LIN7A: variants seen among roughly 807,000 people sequenced by gnomAD.
The protein encoded by LIN7A is protein lin-7 homolog A.
In LIN7A, 25 loss-of-function variants were observed where a neutral mutation model predicts 29.8. That is an observed-to-expected ratio of 0.84 (90% CI 0.61 to 1.17). The LOEUF (loss-of-function observed/expected upper bound fraction) is 1.17, where lower values mean the gene tolerates loss of function less well. LIN7A is among the 50% of genes most tolerant of loss of function. LIN7A has a pLI of 0.00. For synonymous variants in LIN7A, 118 were observed against 107.5 expected (o/e 1.10, Z -0.60); for missense variants, 239 against 287.0 (o/e 0.83, Z 1.21).
chr12:80,868,814 A>G (rs1294533372), intron 2 of LIN7A, among the ~76,000 whole-genome samples: 1 of 152,194 alleles, frequency 6.6e-6, no homozygotes, highest in East Asian at 1.9e-4. Flanking sequence ...AAAGACCAGT[A>G]CTTGCCTCTG....
rs537049943 is a variant in LIN7A at position 80,933,497 on chromosome 12, C to T, written c.82+4144G>A. 5.3e-5 allele frequency among the ~76,000 whole-genome samples: 8 copies of T among 152,276 alleles called. No homozygotes were observed. The South Asian group carries it at 1.2e-3, about 24-fold the overall frequency. ...TGAGCCTTCCTCGACCAATGCTAAC[C>T]AAACAGGCCCTTCTCTGTTATTCTC... On this transcript the variant is annotated intron_variant, in intron 1 of 5. Coordinates refer to ENST00000552864, the MANE Select transcript of LIN7A (RefSeq NM_004664.4).
At chr12:80,885,282 T>C (rs542917658) in intron 2 of LIN7A, among the ~76,000 whole-genome samples, 2 of 152,250 alleles carry the variant, frequency 1.3e-5, no homozygotes, top group East Asian at 3.9e-4. Context: ...TCTAGCTAAT[T>C]AATACAGCAT....
intron 1 of LIN7A, among the ~76,000 whole-genome samples, chr12:80,898,442 G>C (rs1876025136): frequency 6.6e-6 from 1 of 151,514 alleles, no homozygotes; most frequent in African/African-American, 2.4e-5. Context: ...TTTTTGTTTT[G>C]TTTAGCATTG....
chr12:80,830,726 C>T (rs1457716557), intron 4 of LIN7A, among the ~76,000 whole-genome samples: 1 of 152,198 alleles, frequency 6.6e-6, no homozygotes, highest in African/African-American at 2.4e-5. Flanking sequence ...CCAATCCACT[C>T]CAGTTTCACT....
In LIN7A at chr12:80,845,982, G is replaced by A. The variant is rs778396294; in HGVS notation, c.274-43C>T. The A allele has an allele frequency of 6.5e-6, 10 of 1,529,838 alleles. No homozygotes were observed. In the East Asian group the frequency reaches 2.0e-4, roughly 31 times the overall value. The allele number at this position is 1,529,838 out of a possible 1,614,324, so 94.8% of individuals were successfully genotyped here. A position where few individuals can be genotyped will look rare whatever the true frequency, so the allele number is the denominator to read the frequency against. ...AGATGGTCTTTTGGTAATAAAATGA[G>A]GGAAATAAAGGCTAATCATATGCTT... On this transcript the variant is annotated intron_variant, in intron 3 of 5. Coordinates refer to ENST00000552864, the MANE Select transcript of LIN7A (RefSeq NM_004664.4).
At chr12:80,842,240 C>A in intron 4 of LIN7A, 1 of 652,238 alleles carries the variant, frequency 1.5e-6, no homozygotes, top group Non-Finnish European at 2.2e-6. Context: ...GTTAATAGTT[C>A]TGTGTGTGTA....
rs977835601 is a variant in LIN7A at position 80,793,689 on chromosome 12, C to A, written c.*4038G>T. On this transcript the variant is annotated 3_prime_UTR_variant, in exon 6 of 6. Transcript: ENST00000552864. ...TGATTAAACTTCAGCTTAGTGTATT[C>A]CAGGAATCAAATATGAAAGGATAAA... is the stretch of plus-strand genomic sequence containing the variant. 1 of 151,932 alleles carries A rather than the reference C, an allele frequency of 6.6e-6. No individual in the cohort carries two copies. Among genetic ancestry groups the A allele is most frequent in the Non-Finnish European group, 1.5e-5 (1 of 67,978 alleles). The allele number at this position is 151,932 out of a possible 1,614,324, so 9.4% of individuals were successfully genotyped here.
chr12:80,793,454 T>C lies in LIN7A; in HGVS notation c.*4273A>G, dbSNP rs1343139781. Reference sequence around the variant, plus strand: ...ATGACTTCCATGGGGTGAGGAATTTTATTTTTTCTATCAGGTGTGAAGAGG... The same window carrying C: ...ATGACTTCCATGGGGTGAGGAATTTCATTTTTTCTATCAGGTGTGAAGAGG... On this transcript the variant is annotated 3_prime_UTR_variant, in exon 6 of 6. Transcript: ENST00000552864. 1 of 152,188 alleles carries C rather than the reference T, an allele frequency of 6.6e-6. No homozygotes were observed. The highest frequency in any genetic ancestry group is 1.5e-5 in the Non-Finnish European group (1 of 68,030). The allele number at this position is 152,188 out of a possible 1,614,324, so 9.4% of individuals were successfully genotyped here.
At chr12:80,869,027 C>T (rs1874286201) in intron 2 of LIN7A, among the ~76,000 whole-genome samples, 1 of 151,872 alleles carries the variant, frequency 6.6e-6, no homozygotes, top group African/African-American at 2.4e-5. Context: ...GACATGATTG[C>T]CAGCAAGAAG....
In LIN7A at chr12:80,819,306, A is replaced by C. The variant is rs1871685496; in HGVS notation, c.484-7623T>G. 1.3e-5 allele frequency among the ~76,000 whole-genome samples: 2 copies of C among 152,180 alleles called. 1 individual carries two copies. The highest frequency in any genetic ancestry group is 3.8e-4 in the East Asian group (2 of 5,204). The stretch of plus-strand genomic sequence containing the variant: ...ATCTTTCCCTTTTTTCAAATGTGTT[A>C]ATTTTCCTGTTCTAAATGTAGTCTT... On this transcript the variant is annotated intron_variant, in intron 4 of 5. Transcript: ENST00000552864.
At chr12:80,826,370 T>G (rs773257820) in intron 4 of LIN7A, among the ~76,000 whole-genome samples, 1 of 152,168 alleles carries the variant, frequency 6.6e-6, no homozygotes, top group Non-Finnish European at 1.5e-5. Flanking sequence ...ACATCTTCCC[T>G]CAATCTACAT....
chr12:80,890,005 C>T (rs1440011190), intron 1 of LIN7A, among the ~76,000 whole-genome samples: 1 of 152,110 alleles, frequency 6.6e-6, no homozygotes, highest in African/African-American at 2.4e-5. Flanking sequence ...TTCAAATGGT[C>T]CACAAAGTTA....
At position 80,856,441 on chromosome 12, in the gene LIN7A, A is replaced by G. The variant is rs185770554; in HGVS notation, c.202-8119T>C. On this transcript the variant is annotated intron_variant, in intron 2 of 5. Transcript: ENST00000552864. ...TTGGTTTTACCAGTTGACAAACTCT[A>G]GGAATAGGTCAAGGTCTTGGAGAGG... Among the ~76,000 whole-genome samples, 13 of 152,328 alleles carry G rather than the reference A, an allele frequency of 8.5e-5. No individual in the cohort carries two copies. The East Asian group carries it at 2.5e-3, about 29-fold the overall frequency.
intron 5 of LIN7A, among the ~76,000 whole-genome samples, chr12:80,807,590 A>G (rs868482167): frequency 6.6e-6 from 1 of 152,204 alleles, no homozygotes; most frequent in African/African-American, 2.4e-5. Context: ...CAATTAGGAG[A>G]ATTGGTATAA....
chr12:80,807,069 T>TTTTGTTTTTTTTTG lies in LIN7A; in HGVS notation c.*4395_*4396insCAAAAAAAAACAAA, dbSNP rs1178247692. Among the ~76,000 whole-genome samples the TTTTGTTTTTTTTTG allele has an allele frequency of 4.7e-5, 3 of 63,834 alleles. 1 individual carries two copies. Among genetic ancestry groups the TTTTGTTTTTTTTTG allele is most frequent in the African/African-American group, 1.2e-4 (2 of 16,960 alleles). The allele number at this position is 63,834 out of a possible 152,430, so 41.9% of individuals were successfully genotyped here. A position where few individuals can be genotyped will look rare whatever the true frequency, so the allele number is the denominator to read the frequency against. On this transcript the variant is annotated intron_variant, in intron 5 of 5. Transcript: ENST00000552864. The stretch of plus-strand genomic sequence containing the variant: ...GAAATTTAATGAAGATGGAGTTTTT[T>TTTTGTTTTTTTTTG]TTTTTTTTTTTTTTTTTTTTTTGAC...
Position 80,856,271 on chromosome 12 carries a change from T to C in LIN7A, c.202-7949A>G, listed in dbSNP as rs573742018. 4.3e-4 allele frequency among the ~76,000 whole-genome samples: 65 copies of C among 152,150 alleles called. 1 individual carries two copies. The highest frequency in any genetic ancestry group is 8.7e-4 in the Non-Finnish European group (59 of 68,010). On this transcript the variant is annotated intron_variant, in intron 2 of 5. Coordinates refer to ENST00000552864, the MANE Select transcript of LIN7A (RefSeq NM_004664.4). ...GCAGCCATCAACTTCGATGAAAACA[T>C]GTCACCCGTCGGACAAGAAAAAATA... is the stretch of plus-strand genomic sequence containing the variant.
At chr12:80,915,658 A>G (rs1876995977) in intron 1 of LIN7A, among the ~76,000 whole-genome samples, 1 of 152,262 alleles carries the variant, frequency 6.6e-6, no homozygotes, top group Non-Finnish European at 1.5e-5. Context: ...TAAAGAATAT[A>G]CAGTACATAG....
chr12:80,869,871 G>T (rs1219514763), intron 2 of LIN7A, among the ~76,000 whole-genome samples: 2 of 151,764 alleles, frequency 1.3e-5, no homozygotes, highest in Non-Finnish European at 2.9e-5. Context: ...TAACAGTGTT[G>T]CATGGAAACC....
At position 80,807,076 on chromosome 12, in the gene LIN7A, T is replaced by G. The variant is rs1444387182; in HGVS notation, c.*4389A>C. Reference sequence around the variant, plus strand: ...AATGAAGATGGAGTTTTTTTTTTTTTTTTTTTTTTTTTTTTGACGGAGTCT... The same window carrying G: ...AATGAAGATGGAGTTTTTTTTTTTTGTTTTTTTTTTTTTTTGACGGAGTCT... On this transcript the variant is annotated intron_variant, in intron 5 of 5. Coordinates refer to ENST00000552864, the MANE Select transcript of LIN7A (RefSeq NM_004664.4). 3.2e-4 allele frequency among the ~76,000 whole-genome samples: 40 copies of G among 126,066 alleles called. 4 individuals are homozygous for G. Among genetic ancestry groups the G allele is most frequent in the South Asian group, 2.1e-3 (8 of 3,870 alleles). The allele number at this position is 126,066 out of a possible 152,430, so 82.7% of individuals were successfully genotyped here.
Sources: gnomAD v4.1 joint callset for allele counts (sites outside exome capture counted in the v4.1 genomes callset) on GRCh38, gnomAD v4.1.1 for gene constraint, MANE v1.5 for transcripts, NCBI Gene and HGNC (gene_info 2026-07-23, HGNC 2026-07-21) for gene names.